Variants in NRXN3 observed in about 807,000 individuals in gnomAD.
NRXN3 encodes neurexin 3, also known as neurexin III.
Under a neutral mutation model 137.6 loss-of-function variants are expected in NRXN3, and 32 were observed. That is an observed-to-expected ratio of 0.23 (90% CI 0.18 to 0.31). The LOEUF is 0.31. Ranked by LOEUF, NRXN3 falls within the 10% of genes least tolerant of loss-of-function variation. The probability of loss-of-function intolerance (pLI) is 1.00; values close to 1 mark genes in which losing one functional copy is unlikely to be tolerated. For missense variants in NRXN3, 1,574 were observed against 2,062.5 expected, an observed-to-expected ratio of 0.76 and a Z score of 4.59; for synonymous variants, 798 against 784.5, an observed-to-expected ratio of 1.02 and a Z score of -0.29.
intron 15 of NRXN3, among the ~76,000 whole-genome samples, chr14:79,359,220 C>A (rs1487226215): frequency 6.6e-6 from 1 of 152,140 alleles, no homozygotes; most frequent in Admixed American, 6.5e-5. Flanking sequence ...GTTCTGATTG[C>A]TTTATAAAGA....
intron 15 of NRXN3, among the ~76,000 whole-genome samples, chr14:79,292,128 G>A (rs1425091064): frequency 6.6e-6 from 1 of 152,168 alleles, no homozygotes; most frequent in Non-Finnish European, 1.5e-5. Flanking sequence ...CTGTGCAAAT[G>A]TAGAACAGTT....
intron 6 of NRXN3, among the ~76,000 whole-genome samples, chr14:78,690,052 C>A (rs1567066521): frequency 6.6e-6 from 1 of 152,130 alleles, no homozygotes; most frequent in Non-Finnish European, 1.5e-5. Context: ...CCCAGTCGTT[C>A]CTTAGGCATA....
In NRXN3 at chr14:79,681,761, A is replaced by G. The variant is rs181186679; in HGVS notation, c.3617-10412A>G. Among the ~76,000 whole-genome samples the G allele has an allele frequency of 3.9e-3, 587 of 150,518 alleles. 9 individuals are homozygous for G. Among genetic ancestry groups the G allele is most frequent in the Non-Finnish European group, 3.3e-3 (223 of 67,628 alleles). On this transcript the variant is annotated intron_variant, in intron 17 of 20. Coordinates refer to ENST00000335750, the MANE Select transcript of NRXN3 (RefSeq NM_001330195.2). ...TGTAGCTATTTTTTTTTTTTTTCCA[A>G]TTTAACACACTGGAAAAGAAGAAAG...
intron 2 of NRXN3, among the ~76,000 whole-genome samples, chr14:78,256,755 C>T (rs2069690971): frequency 1.3e-5 from 2 of 152,200 alleles, no homozygotes; most frequent in Non-Finnish European, 2.9e-5. Context: ...AACTCATATG[C>T]AAGTTTTTAA....
chr14:79,509,371 C>G (rs2096910040), intron 16 of NRXN3, among the ~76,000 whole-genome samples: 1 of 151,888 alleles, frequency 6.6e-6, no homozygotes, highest in Admixed American at 6.6e-5. Flanking sequence ...AAAATATTAG[C>G]CAGGCATCAT....
chr14:78,899,432 C>A (rs142956159), intron 10 of NRXN3, among the ~76,000 whole-genome samples: 12 of 152,060 alleles, frequency 7.9e-5, no homozygotes, highest in Admixed American at 1.3e-4. Flanking sequence ...GATGGGAAAC[C>A]TGGCTTCTGC....
chr14:78,855,410 A>G (rs544786196), intron 10 of NRXN3, among the ~76,000 whole-genome samples: 31 of 152,288 alleles, frequency 2.0e-4, no homozygotes, highest in Non-Finnish European at 3.4e-4. Flanking sequence ...ATAATGATTC[A>G]TAAAAAGCAT....
At chr14:78,632,868 G>A (rs1317086132) in intron 4 of NRXN3, among the ~76,000 whole-genome samples, 1 of 152,064 alleles carries the variant, frequency 6.6e-6, no homozygotes, top group Admixed American at 6.6e-5. Flanking sequence ...GCATAATACA[G>A]GTTCAATAAA....
chr14:79,703,858 C>T, intron 19 of NRXN3, among the ~76,000 whole-genome samples: 1 of 151,998 alleles, frequency 6.6e-6, no homozygotes, highest in East Asian at 1.9e-4. Flanking sequence ...TGAAAAGCAC[C>T]CCATAACTTT....
intron 10 of NRXN3, among the ~76,000 whole-genome samples, chr14:78,862,577 T>A (rs890730226): frequency 1.3e-5 from 2 of 152,150 alleles, no homozygotes; most frequent in African/African-American, 4.8e-5. Flanking sequence ...CGTATTTATA[T>A]AATGTATAAT....
chr14:78,754,529 G>A (rs2098658704), intron 8 of NRXN3, among the ~76,000 whole-genome samples: 1 of 152,152 alleles, frequency 6.6e-6, no homozygotes, highest in Admixed American at 6.5e-5. Context: ...ATTTGCTCTT[G>A]GAAGCAGTCC....
At chr14:78,717,569 TCTC>T (rs140327342) in intron 8 of NRXN3, among the ~76,000 whole-genome samples, 9,443 of 152,198 alleles carry the variant, frequency 0.062, 454 homozygotes, top group African/African-American at 0.14. Flanking sequence ...ATAGGACTCT[TCTC>T]TGCTAGCAAA....
Position 78,552,742 on chromosome 14 carries a change from T to G in NRXN3, c.758-92378T>G, listed in dbSNP as rs201224772. Reference sequence around the variant, plus strand: ...TTTTGAGGAGAAGGGATGAAGTTGATTAATGGGTACAAATACACCGTTTGA... The same window carrying G: ...TTTTGAGGAGAAGGGATGAAGTTGAGTAATGGGTACAAATACACCGTTTGA... On this transcript the variant is annotated intron_variant, in intron 4 of 20. Transcript: ENST00000335750. Among the ~76,000 whole-genome samples, 239 of 152,338 alleles carry G rather than the reference T, an allele frequency of 1.6e-3. 12 individuals carry two copies. The South Asian group carries it at 0.046, about 29-fold the overall frequency.
intron 16 of NRXN3, among the ~76,000 whole-genome samples, chr14:79,658,031 TACTC>T (rs1366313117): frequency 2.0e-5 from 3 of 152,198 alleles, no homozygotes; most frequent in Admixed American, 6.6e-5. Context: ...ACATTTAAAA[TACTC>T]ACAATTAGGC....
At chr14:79,568,848 G>A (rs941986238) in intron 16 of NRXN3, among the ~76,000 whole-genome samples, 1 of 152,196 alleles carries the variant, frequency 6.6e-6, no homozygotes, top group African/African-American at 2.4e-5. Context: ...AAATGGAAAT[G>A]AGGAGTAACA....
At chr14:79,375,964 G>A (rs1054759112) in intron 15 of NRXN3, among the ~76,000 whole-genome samples, 16 of 150,304 alleles carry the variant, frequency 1.1e-4, no homozygotes, top group Admixed American at 2.0e-4. Context: ...AATAATGTAT[G>A]AGCATGGTTG....
intron 1 of NRXN3, among the ~76,000 whole-genome samples, chr14:78,172,315 T>G (rs779618488): frequency 6.6e-6 from 1 of 152,144 alleles, no homozygotes; most frequent in Non-Finnish European, 1.5e-5. Context: ...TAATTTGCCG[T>G]TCTGGGTAGA....
At chr14:79,034,318 A>C (rs1190982029) in intron 15 of NRXN3, among the ~76,000 whole-genome samples, 2 of 139,512 alleles carry the variant, frequency 1.4e-5, no homozygotes, top group East Asian at 4.1e-4. Flanking sequence ...TCCCATTTGG[A>C]ATTAGTACTA....
intron 2 of NRXN3, among the ~76,000 whole-genome samples, chr14:78,259,220 T>A (rs1355945375): frequency 6.6e-6 from 1 of 152,152 alleles, no homozygotes; most frequent in Non-Finnish European, 1.5e-5. Context: ...CTGAGGGTTT[T>A]GAATGTTTTT....
Sources: gnomAD v4.1 joint callset for allele counts (sites outside exome capture counted in the v4.1 genomes callset) on GRCh38, gnomAD v4.1.1 for gene constraint, MANE v1.5 for transcripts, NCBI Gene and HGNC (gene_info 2026-07-23, HGNC 2026-07-21) for gene names.